The following SF3B1 variants were observed in gnomAD, a reference collection of about 807,000 sequenced individuals.
The protein encoded by SF3B1 is pre-mRNA processing 10.
SF3B1 carries 12 observed loss-of-function variants against 153.8 expected under a neutral mutation model. The ratio of observed to expected loss-of-function variants is 0.08; its 90% CI spans 0.05 to 0.13. The LOEUF (loss-of-function observed/expected upper bound fraction) is 0.13. Ranked by LOEUF, SF3B1 falls within the 10% of genes least tolerant of loss-of-function variation. The pLI is 1.00. For missense variants in SF3B1, 513 were observed against 1,606.1 expected (o/e 0.32, Z 11.63); for synonymous variants, 498 against 525.2 (o/e 0.95, Z 0.71).
chr2:197,405,287 A>G lies in SF3B1; in HGVS notation c.1425T>C (p.Phe475=). 1.2e-6 allele frequency: 2 copies of G among 1,612,112 alleles called. No homozygotes were observed. Residue 475 remains phenylalanine, a synonymous_variant, in exon 10 of 25, where the codon TTT becomes TTC. Coordinates refer to ENST00000335508, the MANE Select transcript of SF3B1 (RefSeq NM_012433.4). ...PFLKPDDIQY[F]DKLLVDVDES... ...TAGTATCACTTACCAATAGTTTATC[A>G]AAGTATTGAATATCATCAGGTTTTA...
intron 1 of SF3B1, among the ~76,000 whole-genome samples, chr2:197,432,348 G>C (rs2085453085): frequency 6.6e-6 from 1 of 152,208 alleles, no homozygotes; most frequent in East Asian, 1.9e-4. Flanking sequence ...TGTGTTCCCT[G>C]TTTGTATGCC....
At chr2:197,422,573 CA>C (rs2085262922) in intron 2 of SF3B1, among the ~76,000 whole-genome samples, 1 of 151,936 alleles carries the variant, frequency 6.6e-6, no homozygotes, top group Non-Finnish European at 1.5e-5. Flanking sequence ...AAGAAATATA[CA>C]TCACCTATCC....
In SF3B1 at chr2:197,392,138, CA is replaced by C; in HGVS notation, c.*164del. 1 of 451,740 alleles carries C rather than the reference CA, an allele frequency of 2.2e-6. No individual in the cohort carries two copies. Among genetic ancestry groups the C allele is most frequent in the East Asian group, 3.3e-5 (1 of 30,278 alleles). The allele number at this position is 451,740 out of a possible 1,614,324, so 28.0% of individuals were successfully genotyped here. ...ACTACTGGCATTTACTGTTTAACAT[CA>C]AAAACAAAGACAGGTTATTTAAAAA... On this transcript the variant is annotated 3_prime_UTR_variant, in exon 25 of 25. Coordinates refer to ENST00000335508, the MANE Select transcript of SF3B1 (RefSeq NM_012433.4).
rs773184686 is a variant in SF3B1, at chr2:197,391,515, T to A, written c.*788A>T. 6.6e-6 allele frequency: 1 copy of A among 152,236 alleles called. No individual in the cohort carries two copies. The highest frequency in any genetic ancestry group is 1.5e-5 in the Non-Finnish European group (1 of 68,042). 9.4% of individuals were successfully genotyped at this position (152,236 alleles called of 1,614,324 possible). On this transcript the variant is annotated 3_prime_UTR_variant, in exon 25 of 25. Transcript: ENST00000335508. ...CCAACATTGTCCTGTTCTATCAGCA[T>A]TACTTAGGTATCCTCACTCCTAATA...
intron 11 of SF3B1, 56 bp from the exon 12 acceptor site, chr2:197,403,820 T>C (rs1024430995): frequency 2.6e-5 from 33 of 1,291,622 alleles, no homozygotes; most frequent in Non-Finnish European, 3.4e-5. Context: ...ACATTTTGAA[T>C]GAGCAAATTA....
At chr2:197,399,991 GAA>G in intron 20 of SF3B1, 62 bp downstream of exon 20, 6 of 1,009,588 alleles carry the variant, frequency 5.9e-6, no homozygotes, top group East Asian at 2.8e-5. Flanking sequence ...TTTTACTTAC[GAA>G]AAAAAAAAGA....
chr2:197,404,805 C>T, intron 11 of SF3B1: 1 of 243,326 alleles, frequency 4.1e-6, no homozygotes, highest in Non-Finnish European at 8.2e-6. Flanking sequence ...AAAGACCACA[C>T]TCCACAGCGG....
chr2:197,431,998 GC>G (rs1014010531), intron 1 of SF3B1, among the ~76,000 whole-genome samples: 47 of 152,170 alleles, frequency 3.1e-4, no homozygotes, highest in Non-Finnish European at 5.0e-4. Flanking sequence ...GGTAGCACAC[GC>G]CTGTAGTTGT....
Position 197,392,958 on chromosome 2 carries a change from A to T in SF3B1, c.3756+14T>A. On this transcript the variant is annotated intron_variant, in intron 24 of 24. Transcript: ENST00000335508. ...AAAAAAAATCACCGATTAAAAAAAA[A>T]ATCTTTAACTTACCTGTAAACAATA... The T allele has an allele frequency of 6.6e-7, 1 of 1,509,102 alleles. No individual in the cohort carries two copies. Among genetic ancestry groups the T allele is most frequent in the Non-Finnish European group, 9.0e-7 (1 of 1,105,344 alleles). 93.5% of individuals were successfully genotyped at this position (1,509,102 alleles called of 1,614,324 possible). A position where few individuals can be genotyped will look rare whatever the true frequency, so the allele number is the denominator to read the frequency against.
chr2:197,433,029 G>A (rs952004460), intron 1 of SF3B1, among the ~76,000 whole-genome samples: 3 of 152,150 alleles, frequency 2.0e-5, no homozygotes, highest in African/African-American at 7.2e-5. Flanking sequence ...TACTATAGCA[G>A]CACTGCCCCA....
In SF3B1 at chr2:197,401,590, G is replaced by T; in HGVS notation, c.2371-65C>A. On this transcript the variant is annotated intron_variant, in intron 16 of 24. Transcript: ENST00000335508. The surrounding 1 kb of genome is among the most constrained non-coding windows in gnomAD (Gnocchi z 4.2). ...TGAAATGAAGAGAATACTCATTGCT[G>T]ATTACGTGATTTTAAAAAATAAAAT... 1 of 1,502,408 alleles carries T rather than the reference G, an allele frequency of 6.7e-7. No individual in the cohort carries two copies. The highest frequency in any genetic ancestry group is 1.2e-5 in the South Asian group (1 of 83,052). 93.1% of individuals were successfully genotyped at this position (1,502,408 alleles called of 1,614,324 possible). A position where few individuals can be genotyped will look rare whatever the true frequency, so the allele number is the denominator to read the frequency against.
At chr2:197,406,346 T>TA (rs2084993066) in intron 9 of SF3B1, among the ~76,000 whole-genome samples, 1 of 152,064 alleles carries the variant, frequency 6.6e-6, no homozygotes, top group African/African-American at 2.4e-5. Flanking sequence ...TTTTGTCTAT[T>TA]AAAGATTAAA....
In SF3B1 at chr2:197,392,168, T is replaced by C. The variant is rs2084816083; in HGVS notation, c.*135A>G. The C allele has an allele frequency of 1.3e-5, 6 of 470,598 alleles. No individual in the cohort carries two copies. The Admixed American group carries it at 1.9e-4, about 15-fold the overall frequency. 29.2% of individuals were successfully genotyped at this position (470,598 alleles called of 1,614,324 possible). On this transcript the variant is annotated 3_prime_UTR_variant, in exon 25 of 25. Coordinates refer to ENST00000335508, the MANE Select transcript of SF3B1 (RefSeq NM_012433.4). ...ACAAAGACAGGTTATTTAAAAATCA[T>C]GCTACTGGATTTCTAGCTCTTCCTC...
Position 197,402,204 on chromosome 2 carries a change from A to G in SF3B1, c.2078-74T>C. 2.0e-6 allele frequency: 3 copies of G among 1,518,198 alleles called. No homozygotes were observed. The highest frequency in any genetic ancestry group is 1.8e-6 in the Non-Finnish European group (2 of 1,128,932). 94.0% of individuals were successfully genotyped at this position (1,518,198 alleles called of 1,614,324 possible). A position where few individuals can be genotyped will look rare whatever the true frequency, so the allele number is the denominator to read the frequency against. On this transcript the variant is annotated intron_variant, in intron 14 of 24. Transcript: ENST00000335508. The surrounding 1 kb of genome is among the most constrained non-coding windows in gnomAD (Gnocchi z 4.6). Reference sequence around the variant, plus strand: ...TACACAATATCATCCAGATTCTCTCAATATATCAACTATTCAGCCAAACTG... The same window carrying G: ...TACACAATATCATCCAGATTCTCTCGATATATCAACTATTCAGCCAAACTG...
At chr2:197,415,960 A>C (rs2085141962) in intron 6 of SF3B1, among the ~76,000 whole-genome samples, 1 of 141,428 alleles carries the variant, frequency 7.1e-6, no homozygotes, top group Non-Finnish European at 1.5e-5. Flanking sequence ...GACTACAGGC[A>C]TGCACCACTA....
rs549645332 is a variant in SF3B1, at chr2:197,400,656, A to C, written c.2718+59T>G. On this transcript the variant is annotated intron_variant, in intron 18 of 24. Transcript: ENST00000335508. The surrounding 1 kb of genome is among the most constrained non-coding windows in gnomAD (Gnocchi z 5.0). ...TTCTAGAAAAATTTGCTTGACAACT[A>C]ATATGCTTTTCTACAAATATTAAAG... 1.7e-4 allele frequency: 232 copies of C among 1,345,400 alleles called. No individual in the cohort carries two copies. In the African/African-American group the frequency reaches 3.2e-3, roughly 18 times the overall value. 83.3% of individuals were successfully genotyped at this position (1,345,400 alleles called of 1,614,324 possible). A position where few individuals can be genotyped will look rare whatever the true frequency, so the allele number is the denominator to read the frequency against.
Position 197,396,124 on chromosome 2 carries a change from A to G in SF3B1, c.3471T>C (p.Tyr1157=). 6.2e-7 allele frequency: 1 copy of G among 1,613,884 alleles called. No individual in the cohort carries two copies. Among genetic ancestry groups the G allele is most frequent in the Non-Finnish European group, 8.5e-7 (1 of 1,179,782 alleles). Residue 1157 remains tyrosine, a synonymous_variant, in exon 23 of 25, where the codon TAT becomes TAC. Coordinates refer to ENST00000335508, the MANE Select transcript of SF3B1 (RefSeq NM_012433.4). ...VLKSLSFLFE[Y]IGEMGKDYIY... ...TGTAGTCTTTTCCCATTTCACCAAT[A>G]TATTCAAACAAGAAGGAAAGCGATT...
intron 9 of SF3B1, among the ~76,000 whole-genome samples, chr2:197,406,685 T>C (rs1487224996): frequency 2.6e-5 from 4 of 152,224 alleles, no homozygotes; most frequent in Non-Finnish European, 5.9e-5. Flanking sequence ...TGTCTATCTA[T>C]ACCCACAGTT....
At chr2:197,416,510 G>A in intron 6 of SF3B1, 1 of 418,602 alleles carries the variant, frequency 2.4e-6, no homozygotes, top group Non-Finnish European at 4.3e-6. Context: ...AGAGCTTGCT[G>A]GCACAGAGAA....
Sources: allele counts gnomAD v4.1 joint callset (sites outside exome capture counted in the v4.1 genomes callset), GRCh38; gene constraint gnomAD v4.1.1; non-coding constraint Gnocchi (gnomAD v3.1); transcripts MANE v1.5; gene names NCBI Gene and HGNC (gene_info 2026-07-23, HGNC 2026-07-21).